Variants in TFEC observed in about 807,000 individuals in gnomAD.
The protein encoded by TFEC is class E basic helix-loop-helix protein 34.
TFEC carries 31 observed loss-of-function variants against 41.6 expected under a neutral mutation model. The observed-to-expected ratio is 0.74, with a 90% CI of 0.56 to 1.01. The LOEUF (loss-of-function observed/expected upper bound fraction) is 1.01. Ranked by LOEUF, TFEC falls within the 50% of genes least tolerant of loss-of-function variation. The pLI, the probability that TFEC is intolerant of heterozygous loss-of-function variation, is 0.00. For missense variants in TFEC, 402 were observed against 404.1 expected (o/e 0.99, Z 0.04); for synonymous variants, 143 against 140.6 (o/e 1.02, Z -0.12).
chr7:116,150,778 C>T (rs1260100193), intron 1 of TFEC, among the ~76,000 whole-genome samples: 3 of 151,972 alleles, frequency 2.0e-5, no homozygotes, highest in Admixed American at 2.0e-4. Flanking sequence ...TTTTCATGTT[C>T]TTATATTAGC....
At chr7:116,106,397 T>C (rs1022685276) in intron 3 of TFEC, among the ~76,000 whole-genome samples, 2 of 151,918 alleles carry the variant, frequency 1.3e-5, no homozygotes, top group African/African-American at 4.8e-5. Flanking sequence ...TGTTTGTTTG[T>C]TTTTTGAAAC....
Position 115,962,907 on chromosome 7 carries a change from G to A in TFEC, c.268-6114C>T, listed in dbSNP as rs887155426. 6.6e-5 allele frequency among the ~76,000 whole-genome samples: 10 copies of A among 151,786 alleles called. No homozygotes were observed. The East Asian group carries it at 1.9e-3, about 30-fold the overall frequency. ...TAGGGTACATATGCACAACGTGCAG[G>A]TTGTTACATAGGTATACATGTGCCA... On this transcript the variant is annotated intron_variant, in intron 3 of 7. Coordinates refer to ENST00000265440, the MANE Select transcript of TFEC (RefSeq NM_012252.4).
At chr7:115,949,497 CA>C (rs2130330479) in intron 6 of TFEC, among the ~76,000 whole-genome samples, 1 of 152,216 alleles carries the variant, frequency 6.6e-6, no homozygotes, top group South Asian at 2.1e-4. Flanking sequence ...AGTACCAAAA[CA>C]GAGATATAGA....
chr7:116,156,626 T>C (rs1283153919), intron 1 of TFEC, among the ~76,000 whole-genome samples: 1 of 152,202 alleles, frequency 6.6e-6, no homozygotes, highest in Non-Finnish European at 1.5e-5. Flanking sequence ...TGTGATTCTT[T>C]AGAATTTCTA....
At chr7:115,962,638 T>C (rs1026182541) in intron 3 of TFEC, among the ~76,000 whole-genome samples, 2 of 151,828 alleles carry the variant, frequency 1.3e-5, no homozygotes, top group African/African-American at 4.8e-5. Flanking sequence ...GCTATCATCA[T>C]GCAAAAGAAT....
chr7:116,085,994 G>C (rs563939492), intron 3 of TFEC, among the ~76,000 whole-genome samples: 2 of 151,876 alleles, frequency 1.3e-5, no homozygotes, highest in African/African-American at 4.8e-5. Flanking sequence ...CATAACCACT[G>C]TAAAATATAT....
intron 3 of TFEC, among the ~76,000 whole-genome samples, chr7:115,969,234 A>T (rs1041319121): frequency 6.6e-6 from 1 of 151,912 alleles, no homozygotes; most frequent in African/African-American, 2.4e-5. Context: ...ACACAGCAGT[A>T]AATGAGACAT....
At chr7:116,145,822 A>G (rs1008612556) in intron 1 of TFEC, among the ~76,000 whole-genome samples, 1 of 152,228 alleles carries the variant, frequency 6.6e-6, no homozygotes, top group African/African-American at 2.4e-5. Context: ...AAAACTTCTC[A>G]GACTGCTTAT....
chr7:116,068,865 C>T (rs918308264), intron 3 of TFEC, among the ~76,000 whole-genome samples: 22 of 151,392 alleles, frequency 1.5e-4, no homozygotes, highest in African/African-American at 4.8e-4. Flanking sequence ...CAATATTTTC[C>T]AATGACATTT....
chr7:115,991,970 A>G (rs1794137533), intron 1 of TFEC, among the ~76,000 whole-genome samples: 1 of 152,210 alleles, frequency 6.6e-6, no homozygotes, highest in Non-Finnish European at 1.5e-5. Context: ...AGCACTCCTC[A>G]GCAAATGTAA....
chr7:116,137,763 C>T (rs1057264427), intron 1 of TFEC, among the ~76,000 whole-genome samples: 8 of 152,020 alleles, frequency 5.3e-5, no homozygotes, highest in Non-Finnish European at 7.4e-5. Flanking sequence ...AGTCATCTTA[C>T]CTTCCTATCA....
At chr7:115,975,247 C>CTCTA (rs1239635755) in intron 2 of TFEC, among the ~76,000 whole-genome samples, 1 of 151,988 alleles carries the variant, frequency 6.6e-6, no homozygotes, top group African/African-American at 2.4e-5. Context: ...TCTCTCTCTG[C>CTCTA]TCTAGCTCTC....
intron 3 of TFEC, among the ~76,000 whole-genome samples, chr7:116,087,756 T>C (rs1458527273): frequency 1.3e-5 from 2 of 151,980 alleles, no homozygotes; most frequent in African/African-American, 4.8e-5. Context: ...CTACTATTAA[T>C]GAAAAAGGAA....
chr7:116,087,422 CTATAT>C (rs1357644200), intron 3 of TFEC, among the ~76,000 whole-genome samples: 5 of 151,820 alleles, frequency 3.3e-5, no homozygotes, highest in Non-Finnish European at 5.9e-5. Context: ...CCAGTGTTGC[CTATAT>C]TATGTCTATT....
At chr7:116,018,638 G>T (rs1419702554) in intron 1 of TFEC, among the ~76,000 whole-genome samples, 6 of 152,200 alleles carry the variant, frequency 3.9e-5, no homozygotes, top group Admixed American at 1.3e-4. Flanking sequence ...TTCTGGGGAG[G>T]AAGTTGAAGA....
chr7:116,130,971 A>C (rs760008753), intron 1 of TFEC, among the ~76,000 whole-genome samples: 1 of 152,072 alleles, frequency 6.6e-6, no homozygotes, highest in Non-Finnish European at 1.5e-5. Context: ...TCTAGTTAAA[A>C]TTTTCTATAA....
intron 1 of TFEC, among the ~76,000 whole-genome samples, chr7:116,008,852 G>A (rs535005900): frequency 6.6e-6 from 1 of 152,270 alleles, no homozygotes; most frequent in South Asian, 2.1e-4. Flanking sequence ...TATTTCAGCT[G>A]CGTATTATAT....
chr7:115,980,077 T>C (rs1425709302), intron 2 of TFEC, among the ~76,000 whole-genome samples: 1 of 152,222 alleles, frequency 6.6e-6, no homozygotes, highest in African/African-American at 2.4e-5. Flanking sequence ...AATTTTCTTC[T>C]TCTTTCTTAC....
intron 1 of TFEC, among the ~76,000 whole-genome samples, chr7:116,131,980 T>G (rs1798341960): frequency 6.6e-6 from 1 of 152,210 alleles, no homozygotes; most frequent in Non-Finnish European, 1.5e-5. Flanking sequence ...GTTTTACTCT[T>G]GCTATAATCA....
Sources: gnomAD v4.1 joint callset for allele counts (sites outside exome capture counted in the v4.1 genomes callset) on GRCh38, gnomAD v4.1.1 for gene constraint, MANE v1.5 for transcripts, NCBI Gene and HGNC (gene_info 2026-07-23, HGNC 2026-07-21) for gene names.